The following PTPRO variants were observed in gnomAD, a reference collection of about 807,000 sequenced individuals.
PTPRO encodes the protein protein tyrosine phosphatase receptor type O, also known as receptor-type tyrosine-protein phosphatase O.
In PTPRO, 62 loss-of-function variants were observed where a neutral mutation model predicts 145.2. The observed-to-expected ratio is 0.43, with a 90% confidence interval of 0.35 to 0.53. The LOEUF is 0.53. Among genes scored for constraint, PTPRO ranks in the 20% least tolerant of loss-of-function variants. PTPRO has a pLI of 0.01. For missense variants in PTPRO, 1,345 were observed against 1,482.7 expected (o/e 0.91, Z 1.53); for synonymous variants, 565 against 514.7 (o/e 1.10, Z -1.32).
At chr12:15,381,545 C>T (rs1056168251) in intron 1 of PTPRO, among the ~76,000 whole-genome samples, 11 of 152,120 alleles carry the variant, frequency 7.2e-5, no homozygotes, top group African/African-American at 2.7e-4. Context: ...CCTGTCCCTT[C>T]CAAACCTCAA....
At chr12:15,386,472 A>G (rs1290457527) in intron 1 of PTPRO, among the ~76,000 whole-genome samples, 1 of 152,134 alleles carries the variant, frequency 6.6e-6, no homozygotes, top group Non-Finnish European at 1.5e-5. Context: ...ACATATACAT[A>G]TATCTGATAA....
chr12:15,546,540 A>T (rs1565699496), intron 12 of PTPRO, 29 bp from the exon 13 acceptor site: 7 of 1,555,454 alleles, frequency 4.5e-6, no homozygotes, highest in Non-Finnish European at 6.1e-6. Flanking sequence ...AGTAAATTAA[A>T]TTTTTTTTAA....
intron 2 of PTPRO, among the ~76,000 whole-genome samples, chr12:15,485,308 C>T (rs2136441320): frequency 1.3e-5 from 2 of 152,168 alleles, no homozygotes; most frequent in Admixed American, 1.3e-4. Context: ...AGTTTATAGA[C>T]ATAATGAACA....
chr12:15,513,182 AAAGAAAGAAAG>A (rs1942495950), intron 7 of PTPRO, among the ~76,000 whole-genome samples: 5 of 112,446 alleles, frequency 4.4e-5, no homozygotes, highest in Admixed American at 3.6e-4. Flanking sequence ...AGAAAGAAAG[AAAGAAAGAAAG>A]AAAGAAAGAA....
intron 1 of PTPRO, among the ~76,000 whole-genome samples, chr12:15,475,116 A>G (rs1941625320): frequency 6.6e-6 from 1 of 152,208 alleles, no homozygotes; most frequent in African/African-American, 2.4e-5. Context: ...GCATCACGAC[A>G]CACATTAGAC....
In PTPRO at chr12:15,460,566, C is replaced by T. The variant is rs567558048; in HGVS notation, c.76-23408C>T. Among the ~76,000 whole-genome samples, 16 of 152,262 alleles carry T rather than the reference C, an allele frequency of 1.1e-4. 1 individual carries two copies. Among genetic ancestry groups the T allele is most frequent in the African/African-American group, 3.9e-4 (16 of 41,538 alleles). On this transcript the variant is annotated intron_variant, in intron 1 of 26. Transcript: ENST00000281171. ...TACAACAATAGCTTTACAAGTCCAG[C>T]AATTCATCTAAATGCCCAATTTGCC... is the stretch of plus-strand genomic sequence containing the variant.
chr12:15,441,199 A>T (rs1348544142), intron 1 of PTPRO, among the ~76,000 whole-genome samples: 1 of 150,158 alleles, frequency 6.7e-6, no homozygotes, highest in Middle Eastern at 3.2e-3. Context: ...ATACCAAGAA[A>T]ATCTCTTAAA....
At chr12:15,383,000 A>C (rs1190402332) in intron 1 of PTPRO, among the ~76,000 whole-genome samples, 1 of 152,188 alleles carries the variant, frequency 6.6e-6, no homozygotes, top group African/African-American at 2.4e-5. Context: ...AGCAATTTTA[A>C]AATATACAAT....
At chr12:15,447,914 T>C (rs1940943554) in intron 1 of PTPRO, among the ~76,000 whole-genome samples, 1 of 152,138 alleles carries the variant, frequency 6.6e-6, no homozygotes, top group Non-Finnish European at 1.5e-5. Flanking sequence ...ATGTCAGTCT[T>C]CTCAGGAAAT....
At chr12:15,341,654 TCCATCACTTGAAACAA>T (rs1866990150) in intron 1 of PTPRO, among the ~76,000 whole-genome samples, 1 of 152,234 alleles carries the variant, frequency 6.6e-6, no homozygotes, top group African/African-American at 2.4e-5. Flanking sequence ...TTTATAGAGT[TCCATCACTTGAAACAA>T]AGTGCTGGCT....
intron 2 of PTPRO, 75 bp from the exon 3 acceptor site, chr12:15,497,170 C>A: frequency 1.5e-6 from 2 of 1,355,566 alleles, no homozygotes; most frequent in Non-Finnish European, 2.1e-6. Context: ...GTAATCCTTG[C>A]TTAATTCAAG....
intron 1 of PTPRO, among the ~76,000 whole-genome samples, chr12:15,465,485 C>A (rs1941395871): frequency 6.6e-6 from 1 of 152,200 alleles, no homozygotes; most frequent in Non-Finnish European, 1.5e-5. Context: ...TTTAAAATTA[C>A]TTCTACGTCT....
chr12:15,490,721 A>G (rs1195871304), intron 2 of PTPRO, among the ~76,000 whole-genome samples: 2 of 152,212 alleles, frequency 1.3e-5, no homozygotes, highest in African/African-American at 4.8e-5. Context: ...AGCATGCAGT[A>G]TAGGATCAAT....
In PTPRO at chr12:15,516,639, G is replaced by A. The variant is rs7965757; in HGVS notation, c.1586-124G>A. On this transcript the variant is annotated intron_variant, in intron 8 of 26. Coordinates refer to ENST00000281171, the MANE Select transcript of PTPRO (RefSeq NM_030667.3). ...GAAGGAAGGAAGGAAGGAAGGAAGGGAGGGAGGGAGGTAGGTATTGTATCA... is the reference window on the plus strand; with the variant it reads ...GAAGGAAGGAAGGAAGGAAGGAAGGAAGGGAGGGAGGTAGGTATTGTATCA... 5.9e-3 allele frequency: 4,505 copies of A among 767,064 alleles called. 97 individuals carry two copies. In the East Asian group the frequency reaches 0.064, roughly 11 times the overall value. The allele number at this position is 767,064 out of a possible 1,614,324, so 47.5% of individuals were successfully genotyped here. A position where few individuals can be genotyped will look rare whatever the true frequency, so the allele number is the denominator to read the frequency against.
At chr12:15,442,314 C>A (rs1427063880) in intron 1 of PTPRO, among the ~76,000 whole-genome samples, 1 of 152,046 alleles carries the variant, frequency 6.6e-6, no homozygotes, top group East Asian at 1.9e-4. Flanking sequence ...GATAAAAACC[C>A]TCAAGAAACT....
chr12:15,490,410 A>C (rs1453505824), intron 2 of PTPRO, among the ~76,000 whole-genome samples: 5 of 152,240 alleles, frequency 3.3e-5, no homozygotes, highest in Admixed American at 3.3e-4. Flanking sequence ...CACACAATAC[A>C]TAAACAAATG....
intron 1 of PTPRO, among the ~76,000 whole-genome samples, chr12:15,332,563 T>C (rs1231353885): frequency 6.6e-6 from 1 of 152,240 alleles, no homozygotes; most frequent in Non-Finnish European, 1.5e-5. Context: ...AATGTAATTA[T>C]CTTAATATAT....
chr12:15,420,076 G>A (rs1326824410), intron 1 of PTPRO, among the ~76,000 whole-genome samples: 3 of 147,342 alleles, frequency 2.0e-5, no homozygotes, highest in Non-Finnish European at 4.4e-5. Flanking sequence ...GAAACCGGGA[G>A]GCGGAGCTTG....
At chr12:15,528,225 A>T (rs921634929) in intron 12 of PTPRO, among the ~76,000 whole-genome samples, 8 of 144,160 alleles carry the variant, frequency 5.5e-5, no homozygotes, top group Admixed American at 2.1e-4. Flanking sequence ...ATAAGATATT[A>T]AAAAAAAAAG....
Sources: gnomAD v4.1 joint callset for allele counts (sites outside exome capture counted in the v4.1 genomes callset) on GRCh38, gnomAD v4.1.1 for gene constraint, MANE v1.5 for transcripts, NCBI Gene and HGNC (gene_info 2026-07-23, HGNC 2026-07-21) for gene names.